The following ARID1B variants were observed in gnomAD, a reference collection of about 807,000 sequenced individuals.
ARID1B encodes AT-rich interactive domain-containing protein 1B.
Under a neutral mutation model 212.3 loss-of-function variants are expected in ARID1B, and 30 were observed. That is an observed-to-expected ratio of 0.14 (90% CI 0.11 to 0.19). The LOEUF (loss-of-function observed/expected upper bound fraction) is 0.19, where lower values mean the gene tolerates loss of function less well. Ranked by LOEUF, ARID1B falls within the 10% of genes least tolerant of loss-of-function variation. ARID1B has a pLI of 1.00. For synonymous variants in ARID1B, 1,402 were observed against 1,301.7 expected (o/e 1.08, Z -1.66); for missense variants, 2,891 against 3,204.0 (o/e 0.90, Z 2.36).
intron 7 of ARID1B, among the ~76,000 whole-genome samples, chr6:157,143,036 G>A (rs1789485118): frequency 6.6e-6 from 1 of 152,192 alleles, no homozygotes; most frequent in Non-Finnish European, 1.5e-5. Context: ...TTTGTGATCT[G>A]CCTGAAATGA....
At chr6:156,869,881 T>TA (rs1245464509) in intron 2 of ARID1B, among the ~76,000 whole-genome samples, 1 of 152,184 alleles carries the variant, frequency 6.6e-6, no homozygotes, top group Non-Finnish European at 1.5e-5. Context: ...AATATGTCTT[T>TA]AAAAATATTT....
At chr6:156,870,504 A>G (rs1192043963) in intron 2 of ARID1B, 1 of 152,236 alleles carries the variant, frequency 6.6e-6, no homozygotes, top group Non-Finnish European at 1.5e-5. Flanking sequence ...TATATTTGCC[A>G]TTGAACAAAT....
At chr6:156,852,910 G>C (rs1784675299) in intron 2 of ARID1B, among the ~76,000 whole-genome samples, 1 of 152,154 alleles carries the variant, frequency 6.6e-6, no homozygotes, top group African/African-American at 2.4e-5. Context: ...TAAACAAACA[G>C]GTTTGAAAAC....
intron 2 of ARID1B, chr6:156,871,512 G>A: frequency 2.0e-6 from 2 of 991,020 alleles, no homozygotes; most frequent in Non-Finnish European, 3.1e-6. Flanking sequence ...GAGTGATTAA[G>A]TTGCTCAAGG....
chr6:156,978,018 T>C (rs180885781), intron 4 of ARID1B, among the ~76,000 whole-genome samples: 25 of 152,202 alleles, frequency 1.6e-4, no homozygotes, highest in African/African-American at 5.8e-4. Flanking sequence ...GGATTCTTCT[T>C]CTAATCCTTT....
rs905167187 is a variant in ARID1B at position 156,816,699 on chromosome 6, T to C, written c.1792-12528T>C. The stretch of plus-strand genomic sequence containing the variant: ...CAGCTGTGCTGGGTACAGAGTGTTC[T>C]AGAAATGGGTTTGGAGTTGTGTGCT... On this transcript the variant is annotated intron_variant, in intron 1 of 19. Coordinates refer to ENST00000636930, the MANE Select transcript of ARID1B (RefSeq NM_001374828.1). Among the ~76,000 whole-genome samples the C allele has an allele frequency of 4.6e-5, 7 of 152,170 alleles. No homozygotes were observed. In the East Asian group the frequency reaches 1.2e-3, roughly 25 times the overall value.
At chr6:157,068,375 G>T (rs1053284176) in intron 4 of ARID1B, among the ~76,000 whole-genome samples, 6 of 152,214 alleles carry the variant, frequency 3.9e-5, no homozygotes, top group African/African-American at 1.2e-4. Context: ...AGCTGAATCT[G>T]ATGATGGTCT....
intron 4 of ARID1B, among the ~76,000 whole-genome samples, chr6:157,073,372 A>G (rs1242897119): frequency 2.0e-5 from 3 of 152,032 alleles, no homozygotes; most frequent in Non-Finnish European, 4.4e-5. Flanking sequence ...CCAAAGTGCT[A>G]GGATTACAGA....
At chr6:157,004,146 C>A (rs1036549584) in intron 4 of ARID1B, among the ~76,000 whole-genome samples, 1 of 152,180 alleles carries the variant, frequency 6.6e-6, no homozygotes, top group Non-Finnish European at 1.5e-5. Flanking sequence ...CTCAAGCAAT[C>A]CTCTCGTTCT....
intron 2 of ARID1B, among the ~76,000 whole-genome samples, chr6:156,841,563 C>T (rs556799191): frequency 6.6e-6 from 1 of 152,304 alleles, no homozygotes; most frequent in Admixed American, 6.5e-5. Context: ...GTAACAATAA[C>T]AGCAATCTCT....
At chr6:157,170,626 G>A (rs1312402380) in intron 9 of ARID1B, among the ~76,000 whole-genome samples, 1 of 152,230 alleles carries the variant, frequency 6.6e-6, no homozygotes, top group Non-Finnish European at 1.5e-5. Context: ...CTCTGTAGGT[G>A]GCTGGGGGAG....
intron 1 of ARID1B, among the ~76,000 whole-genome samples, chr6:156,799,627 C>A (rs1393235779): frequency 6.6e-6 from 1 of 152,172 alleles, no homozygotes; most frequent in African/African-American, 2.4e-5. Flanking sequence ...CAGATGTGCA[C>A]CACCATGCCT....
chr6:157,174,198 C>A, intron 10 of ARID1B, 81 bp downstream of exon 10: 2 of 1,271,610 alleles, frequency 1.6e-6, no homozygotes, highest in Non-Finnish European at 2.3e-6. Context: ...CTGGTGTTGG[C>A]CGACACTTTT....
chr6:156,892,848 A>G (rs1427202393), intron 2 of ARID1B, among the ~76,000 whole-genome samples: 3 of 152,178 alleles, frequency 2.0e-5, no homozygotes, highest in South Asian at 2.1e-4. Flanking sequence ...GTAAATACCA[A>G]ACTGTACTTC....
intron 7 of ARID1B, among the ~76,000 whole-genome samples, chr6:157,136,040 A>G (rs1050941903): frequency 6.6e-6 from 1 of 152,232 alleles, no homozygotes; most frequent in Non-Finnish European, 1.5e-5. Flanking sequence ...AATTGTTAGT[A>G]ATAACAACCA....
intron 4 of ARID1B, among the ~76,000 whole-genome samples, chr6:156,962,491 A>T (rs941418109): frequency 6.6e-6 from 1 of 152,046 alleles, no homozygotes; most frequent in Non-Finnish European, 1.5e-5. Context: ...GTGGAGGGAG[A>T]CAAGGTCTGG....
At chr6:156,938,771 T>C (rs991990602) in intron 4 of ARID1B, 3 of 152,214 alleles carry the variant, frequency 2.0e-5, no homozygotes, top group African/African-American at 7.2e-5. Context: ...ATTTCCAATA[T>C]CTTTATGCTA....
At chr6:157,003,682 GTCT>G (rs1779032289) in intron 4 of ARID1B, among the ~76,000 whole-genome samples, 1 of 152,100 alleles carries the variant, frequency 6.6e-6, no homozygotes, top group Admixed American at 6.5e-5. Context: ...GTAACATCGA[GTCT>G]TCTTATTTAT....
chr6:156,923,886 A>T (rs896990685), intron 3 of ARID1B, among the ~76,000 whole-genome samples: 5 of 151,788 alleles, frequency 3.3e-5, no homozygotes, highest in Admixed American at 2.6e-4. Flanking sequence ...TTTTGTAGAG[A>T]CAGGTTTCAC....
Sources: gnomAD v4.1 joint callset for allele counts (sites outside exome capture counted in the v4.1 genomes callset) on GRCh38, gnomAD v4.1.1 for gene constraint, MANE v1.5 for transcripts, NCBI Gene and HGNC (gene_info 2026-07-23, HGNC 2026-07-21) for gene names.